Variants in FOXJ3 observed in about 807,000 individuals in gnomAD.
FOXJ3 encodes forkhead box J3.
In FOXJ3, 22 loss-of-function variants were observed where a neutral mutation model predicts 76.1. That is an observed-to-expected ratio of 0.29 (90% CI 0.21 to 0.41). The LOEUF (loss-of-function observed/expected upper bound fraction) is 0.41, where lower values mean the gene tolerates loss of function less well. FOXJ3 is among the 10% of genes least tolerant of loss of function. FOXJ3 has a pLI of 1.00. For missense variants in FOXJ3, 613 were observed against 762.1 expected, an observed-to-expected ratio of 0.80 and a Z score of 2.30; for synonymous variants, 269 against 261.2, an observed-to-expected ratio of 1.03 and a Z score of -0.29.
chr1:42,274,831 GAAAT>G (rs1199494678), intron 3 of FOXJ3, among the ~76,000 whole-genome samples: 1 of 150,004 alleles, frequency 6.7e-6, no homozygotes, highest in Non-Finnish European at 1.5e-5. Context: ...AGGGAGATGA[GAAAT>G]AATACATGAG....
intron 8 of FOXJ3, among the ~76,000 whole-genome samples, chr1:42,193,588 T>C (rs1394352286): frequency 6.6e-6 from 1 of 152,100 alleles, no homozygotes; most frequent in Non-Finnish European, 1.5e-5. Context: ...CATATGAATC[T>C]TACTTTAAAC....
intron 1 of FOXJ3, among the ~76,000 whole-genome samples, chr1:42,324,095 ATATACTGTG>A (rs1655614612): frequency 7.4e-6 from 1 of 134,758 alleles, no homozygotes; most frequent in Non-Finnish European, 1.6e-5. Context: ...TATACTGTAT[ATATACTGTG>A]TATATACACT....
chr1:42,217,983 C>T (rs1486102706), intron 5 of FOXJ3, among the ~76,000 whole-genome samples: 3 of 152,124 alleles, frequency 2.0e-5, no homozygotes, highest in Non-Finnish European at 4.4e-5. Context: ...ATTTTTAACC[C>T]CCAGGAAATT....
intron 1 of FOXJ3, among the ~76,000 whole-genome samples, chr1:42,319,108 T>G (rs1488571735): frequency 1.3e-5 from 2 of 152,132 alleles, no homozygotes; most frequent in Non-Finnish European, 2.9e-5. Context: ...CTGGTGCCTG[T>G]AGTTCCGGCT....
intron 4 of FOXJ3, among the ~76,000 whole-genome samples, chr1:42,252,154 G>T (rs1195640978): frequency 6.6e-6 from 1 of 152,174 alleles, no homozygotes; most frequent in Non-Finnish European, 1.5e-5. Flanking sequence ...AGTTAGGGAG[G>T]ATTCCCTCTT....
At chr1:42,192,259 G>A (rs1255980456) in intron 8 of FOXJ3, among the ~76,000 whole-genome samples, 1 of 152,202 alleles carries the variant, frequency 6.6e-6, no homozygotes, top group African/African-American at 2.4e-5. Flanking sequence ...AGAGGAAGTT[G>A]TTTATGCCAA....
intron 4 of FOXJ3, among the ~76,000 whole-genome samples, chr1:42,259,368 A>G (rs780299928): frequency 6.6e-6 from 1 of 152,200 alleles, no homozygotes; most frequent in Non-Finnish European, 1.5e-5. Context: ...ATTTCACCAT[A>G]TATAATTTTT....
At chr1:42,324,773 C>T (rs1478018957) in intron 1 of FOXJ3, among the ~76,000 whole-genome samples, 1 of 152,132 alleles carries the variant, frequency 6.6e-6, no homozygotes, top group Non-Finnish European at 1.5e-5. Flanking sequence ...AGATGGTATG[C>T]CTGTATAGGA....
chr1:42,208,454 A>G (rs1329383437), intron 5 of FOXJ3, among the ~76,000 whole-genome samples: 1 of 152,232 alleles, frequency 6.6e-6, no homozygotes, highest in Non-Finnish European at 1.5e-5. Flanking sequence ...GATCATCCCA[A>G]AGATACTTTA....
intron 1 of FOXJ3, among the ~76,000 whole-genome samples, chr1:42,331,663 C>T (rs780986472): frequency 2.6e-5 from 4 of 151,950 alleles, no homozygotes; most frequent in South Asian, 2.1e-4. Flanking sequence ...GGTGAGGGTA[C>T]GGGGAGTGAC....
intron 2 of FOXJ3, among the ~76,000 whole-genome samples, chr1:42,302,843 T>G (rs1016483179): frequency 6.6e-6 from 1 of 152,044 alleles, no homozygotes; most frequent in Non-Finnish European, 1.5e-5. Context: ...TTATTCCCTA[T>G]TACCTCTGAT....
Position 42,190,494 on chromosome 1 carries a change from G to A in FOXJ3, c.1351+809C>T, listed in dbSNP as rs542029745. On this transcript the variant is annotated intron_variant, in intron 9 of 12. Coordinates refer to ENST00000361346, the MANE Select transcript of FOXJ3 (RefSeq NM_014947.5). Reference sequence around the variant, plus strand: ...TTAAACTAATATCCAAATGAGCCACGAACATGCAAGTCTACCAGACTCAGA... The same window carrying A: ...TTAAACTAATATCCAAATGAGCCACAAACATGCAAGTCTACCAGACTCAGA... 4.2e-3 allele frequency among the ~76,000 whole-genome samples: 635 copies of A among 152,302 alleles called. 3 individuals are homozygous for A. Among genetic ancestry groups the A allele is most frequent in the Non-Finnish European group, 7.4e-3 (505 of 68,028 alleles).
intron 2 of FOXJ3, among the ~76,000 whole-genome samples, chr1:42,281,578 C>T (rs1652716311): frequency 1.3e-5 from 2 of 152,204 alleles, no homozygotes; most frequent in African/African-American, 4.8e-5. Context: ...CAAATTTAAA[C>T]TCTAAAAAAG....
chr1:42,238,769 C>T (rs184534387), intron 4 of FOXJ3, among the ~76,000 whole-genome samples: 1 of 152,176 alleles, frequency 6.6e-6, no homozygotes, highest in African/African-American at 2.4e-5. Context: ...TCTTGAACTC[C>T]TGAACTCAAG....
At chr1:42,188,119 A>G (rs1646473445) in intron 11 of FOXJ3, among the ~76,000 whole-genome samples, 1 of 152,216 alleles carries the variant, frequency 6.6e-6, no homozygotes, top group Admixed American at 6.5e-5. Flanking sequence ...AAACTTGATG[A>G]TAAGAGAAGG....
chr1:42,201,423 C>G (rs1431564069), intron 6 of FOXJ3, among the ~76,000 whole-genome samples: 1 of 152,124 alleles, frequency 6.6e-6, no homozygotes, highest in Non-Finnish European at 1.5e-5. Context: ...CACCTATTTA[C>G]AGCTAAGAGT....
In FOXJ3 at chr1:42,179,759, A is replaced by T; in HGVS notation, c.1820T>A (p.Leu607Gln). ...PSQAFQMRRS[L>Q]PPDDIQDDFD... ...GTCATCCTGGATGTCATCTGGAGGC[A>T]GGGAACGCCGCATCTGGAAGGCTTG... Residue 607 changes from leucine to glutamine, a missense_variant, in exon 13 of 13, where the codon CTG (leucine) becomes CAG (glutamine). By Grantham distance (113) the Leu-to-Gln change is moderately radical. Transcript: ENST00000361346. 1.2e-6 allele frequency: 2 copies of T among 1,614,062 alleles called. No homozygotes were observed. The highest frequency in any genetic ancestry group is 1.7e-6 in the Non-Finnish European group (2 of 1,179,938).
intron 1 of FOXJ3, among the ~76,000 whole-genome samples, chr1:42,327,002 AATATCACTATTAACAC>A (rs927340755): frequency 6.6e-5 from 10 of 152,342 alleles, no homozygotes; most frequent in South Asian, 2.1e-4. Flanking sequence ...TGCCAATAGG[AATATCACTATTAACAC>A]ATATCACTAT....
intron 1 of FOXJ3, among the ~76,000 whole-genome samples, chr1:42,329,612 T>C (rs1399865089): frequency 6.6e-6 from 1 of 152,212 alleles, no homozygotes; most frequent in Non-Finnish European, 1.5e-5. Flanking sequence ...GGTTTCTGAA[T>C]AGTGGCAATG....
Sources: gnomAD v4.1 joint callset for allele counts (sites outside exome capture counted in the v4.1 genomes callset) on GRCh38, gnomAD v4.1.1 for gene constraint, MANE v1.5 for transcripts, NCBI Gene and HGNC (gene_info 2026-07-23, HGNC 2026-07-21) for gene names.